CDKL5: variants seen among roughly 807,000 people sequenced by gnomAD.
CDKL5 encodes the protein cyclin-dependent kinase-like 5.
Under a neutral mutation model 61.7 loss-of-function variants are expected in CDKL5, and 8 were observed. The observed-to-expected ratio is 0.13, with a 90% CI of 0.08 to 0.23. The LOEUF (loss-of-function observed/expected upper bound fraction) is 0.23. Among genes scored for constraint, CDKL5 ranks in the 10% least tolerant of loss-of-function variants. The pLI is 1.00. For synonymous variants in CDKL5, 275 were observed against 272.3 expected (o/e 1.01, Z -0.10); for missense variants, 440 against 734.5 (o/e 0.60, Z 4.63).
At chrX:18,617,147 G>T (rs1011625312) in intron 15 of CDKL5, among the ~76,000 whole-genome samples, 2 of 111,929 alleles carry the variant, frequency 1.8e-5, no homozygotes, top group African/African-American at 6.5e-5. Context: ...TTCTTTAGGT[G>T]AATCTTTGGA....
intron 3 of CDKL5, among the ~76,000 whole-genome samples, chrX:18,559,968 C>A (rs1346760877): frequency 3.5e-4 from 38 of 108,594 alleles, no homozygotes; most frequent in African/African-American, 9.7e-4. Flanking sequence ...TGAACTCATC[C>A]TTTTTTATGG....
In CDKL5 at chrX:18,608,046, G is replaced by C. The variant is rs758824278; in HGVS notation, c.1945-765G>C. ...TGCAGCGAACTCCTTCTAATGACTT[G>C]GTAATTTTCTTCCTTAATCTTTTTT... On this transcript the variant is annotated intron_variant, in intron 12 of 17. Coordinates refer to ENST00000623535, the MANE Select transcript of CDKL5 (RefSeq NM_001323289.2). 9.1e-4 allele frequency among the ~76,000 whole-genome samples: 102 copies of C among 111,878 alleles called. 1 individual carries two copies. Among genetic ancestry groups the C allele is most frequent in the African/African-American group, 3.2e-3 (100 of 30,819 alleles).
chrX:18,460,412 C>T (rs1281847853), intron 1 of CDKL5, among the ~76,000 whole-genome samples: 5 of 112,054 alleles, frequency 4.5e-5, no homozygotes, highest in Non-Finnish European at 9.4e-5. Context: ...GGCCCCGCCT[C>T]CAACATTGAG....
intron 1 of CDKL5, among the ~76,000 whole-genome samples, chrX:18,459,698 CTTTTTTT>C (rs756249968): frequency 2.8e-4 from 15 of 53,571 alleles, no homozygotes; most frequent in Non-Finnish European, 4.3e-4. Context: ...AGCTTTCTTT[CTTTTTTT>C]TTTTTTTTTT....
At chrX:18,510,697 A>G (rs970189664) in intron 2 of CDKL5, 123 bp from the exon 3 acceptor site, 5 of 558,238 alleles carry the variant, frequency 9.0e-6, no homozygotes, top group African/African-American at 2.3e-5. Flanking sequence ...TCATTATTGC[A>G]TTATCACTAT....
At chrX:18,502,756 C>T (rs1214810166) in intron 1 of CDKL5, among the ~76,000 whole-genome samples, 1 of 111,845 alleles carries the variant, frequency 8.9e-6, no homozygotes, top group Admixed American at 9.6e-5. Context: ...ATTTCCCTCA[C>T]TCTATTATAA....
rs771880879 is a variant in CDKL5 at position 18,653,413 on chromosome X, G to A, written c.2981-19G>A. On this transcript the variant is annotated intron_variant, in intron 21 of 21. Coordinates refer to the CDKL5 transcript ENST00000379989. ...CCTGGCAGCTCTGAGTGACCCCGCTGTCCTTCTGTGCTTTCCAGGGTTCTC... is the reference window on the plus strand; with the variant it reads ...CCTGGCAGCTCTGAGTGACCCCGCTATCCTTCTGTGCTTTCCAGGGTTCTC... 7.4e-6 allele frequency: 9 copies of A among 1,209,407 alleles called. No homozygotes were observed. The highest frequency in any genetic ancestry group is 1.0e-5 in the Non-Finnish European group (9 of 894,618).
chrX:18,598,795 ACTTT>A (rs918506336), intron 11 of CDKL5, among the ~76,000 whole-genome samples, 182 bp downstream of exon 11: 1 of 112,387 alleles, frequency 8.9e-6, no homozygotes, highest in African/African-American at 3.2e-5. Context: ...GGTCTTAAAG[ACTTT>A]CTTATCTTTA....
rs1466254546 is a variant in CDKL5, at chrX:18,575,446, C to T, written c.238C>T (p.Arg80Cys). ...CATTGTGGAGTTGAAGGAAGCATTT[C>T]GTCGGAGGGGAAAGTTGTACTTGGT... ...ENIVELKEAF[R>C]RRGKLYLVFE... is the part of the protein sequence containing the mutation. The change falls in exon 5 of 18, where the codon CGT becomes TGT. Residue 80 changes from arginine (R) to cysteine (C), a missense_variant. Arg to Cys is a radical substitution (Grantham distance 180). This residue lies in a region of CDKL5 where 77 missense variants were observed against 218.2 expected (regional missense o/e 0.35). Coordinates refer to ENST00000623535, the MANE Select transcript of CDKL5 (RefSeq NM_001323289.2). The T allele has an allele frequency of 5.0e-6, 6 of 1,209,327 alleles. No homozygotes were observed. The Admixed American group carries it at 8.7e-5, about 18-fold the overall frequency.
At position 18,507,178 on chromosome X, in the gene CDKL5, C is replaced by T. The variant is rs753174499; in HGVS notation, c.64+18C>T. The T allele has an allele frequency of 3.3e-5, 37 of 1,118,777 alleles. No individual in the cohort carries two copies. Among genetic ancestry groups the T allele is most frequent in the African/African-American group, 5.4e-5 (3 of 55,461 alleles). The allele number at this position is 1,118,777 out of a possible 1,213,427, so 92.2% of individuals were successfully genotyped here. A position where few individuals can be genotyped will look rare whatever the true frequency, so the allele number is the denominator to read the frequency against. On this transcript the variant is annotated intron_variant, in intron 2 of 17. Transcript: ENST00000623535. The stretch of plus-strand genomic sequence containing the variant: ...AGGTGAAGGTAAGTTGGAATTTTTG[C>T]GTTCCTTGAGTTTTGAGCAATGAAC...
At chrX:18,491,030 A>C (rs1921979462) in intron 1 of CDKL5, among the ~76,000 whole-genome samples, 1 of 111,978 alleles carries the variant, frequency 8.9e-6, no homozygotes, top group African/African-American at 3.2e-5. Context: ...GAATAGCTTC[A>C]TCACCAGCTG....
At chrX:18,460,064 G>A (rs1932245061) in intron 1 of CDKL5, among the ~76,000 whole-genome samples, 1 of 110,331 alleles carries the variant, frequency 9.1e-6, no homozygotes, top group Non-Finnish European at 1.9e-5. Flanking sequence ...TAGAGACAGA[G>A]TAATTTTCGT....
intron 1 of CDKL5, among the ~76,000 whole-genome samples, chrX:18,444,782 T>A (rs1162679977): frequency 8.9e-6 from 1 of 112,626 alleles, no homozygotes; most frequent in Non-Finnish European, 1.9e-5. Flanking sequence ...TAGCTGTAAT[T>A]TTTGAGGAAT....
At chrX:18,475,290 C>CT (rs1205241113) in intron 1 of CDKL5, among the ~76,000 whole-genome samples, 1 of 107,489 alleles carries the variant, frequency 9.3e-6, no homozygotes, top group Non-Finnish European at 1.9e-5. Context: ...CTTTTCTTTT[C>CT]TTTTTTTCTT....
At chrX:18,603,828 CTT>C (rs1926250740) in intron 11 of CDKL5, 72 bp from the exon 12 acceptor site, 2 of 1,116,754 alleles carry the variant, frequency 1.8e-6, no homozygotes, top group African/African-American at 3.6e-5. Context: ...AGTATTTGTT[CTT>C]TCTTTTTAAC....
intron 2 of CDKL5, among the ~76,000 whole-genome samples, chrX:18,508,589 T>C (rs1922670724): frequency 9.0e-6 from 1 of 111,053 alleles, no homozygotes; most frequent in Non-Finnish European, 1.9e-5. Flanking sequence ...CTCCAGATTC[T>C]GGGCCTAAGT....
exon 20 of CDKL5, chrX:18,646,027 A>G: frequency 2.5e-6 from 3 of 1,212,186 alleles, no homozygotes; most frequent in Non-Finnish European, 3.3e-6. Flanking sequence ...TGATGGCAGA[A>G]GACAGAGACA....
intron 16 of CDKL5, among the ~76,000 whole-genome samples, chrX:18,620,488 CT>C (rs1926859149): frequency 9.0e-6 from 1 of 111,357 alleles, no homozygotes; most frequent in Non-Finnish European, 1.9e-5. Flanking sequence ...ATATGTTTGC[CT>C]TTTGATCGCG....
At chrX:18,598,666 G>T (rs2034494509) in intron 11 of CDKL5, 53 bp downstream of exon 11, 15 of 1,076,033 alleles carry the variant, frequency 1.4e-5, no homozygotes, top group Non-Finnish European at 1.9e-5. Flanking sequence ...TTACAAGTAG[G>T]TGGAGGAGGT....
Sources: allele counts gnomAD v4.1 joint callset (sites outside exome capture counted in the v4.1 genomes callset), GRCh38; gene constraint gnomAD v4.1.1; regional missense constraint gnomAD v4.1.1; transcripts MANE v1.5; gene names NCBI Gene and HGNC (gene_info 2026-07-23, HGNC 2026-07-21).